TMX3: variants seen among roughly 807,000 people sequenced by gnomAD.
The protein encoded by TMX3 is protein disulfide-isomerase TMX3.
TMX3 carries 40 observed loss-of-function variants against 64.4 expected under a neutral mutation model. The observed-to-expected ratio is 0.62, with a 90% confidence interval of 0.48 to 0.81. The LOEUF is 0.81. Ranked by LOEUF, TMX3 falls within the 30% of genes least tolerant of loss-of-function variation. The pLI, the probability that TMX3 is intolerant of heterozygous loss-of-function variation, is 0.00. For missense variants in TMX3, 497 were observed against 534.5 expected (o/e 0.93, Z 0.69); for synonymous variants, 189 against 175.7 (o/e 1.08, Z -0.60).
intron 4 of TMX3, among the ~76,000 whole-genome samples, chr18:68,704,618 T>C (rs1415220878): frequency 6.6e-6 from 1 of 152,226 alleles, no homozygotes; most frequent in East Asian, 1.9e-4. Context: ...AATTTTTTTA[T>C]TCTTTACTTT....
At position 68,713,830 on chromosome 18, in the gene TMX3, A is replaced by G. The variant is rs1238963483; in HGVS notation, c.101+16T>C. The G allele has an allele frequency of 3.9e-6, 5 of 1,281,796 alleles. No homozygotes were observed. Among genetic ancestry groups the G allele is most frequent in the Non-Finnish European group, 5.4e-6 (5 of 930,620 alleles). 79.4% of individuals were successfully genotyped at this position (1,281,796 alleles called of 1,614,324 possible). The stretch of plus-strand genomic sequence containing the variant: ...ACAGTTAAAATAATATTTTAAATAT[A>G]TATATGTATACTCACGATTCATCTA... On this transcript the variant is annotated intron_variant, in intron 2 of 15. Transcript: ENST00000299608.
chr18:68,707,165 G>GCTAAA (rs892394924), intron 4 of TMX3, among the ~76,000 whole-genome samples: 4 of 150,620 alleles, frequency 2.7e-5, no homozygotes, highest in African/African-American at 9.8e-5. Context: ...ATGAATGAAT[G>GCTAAA]CTAACTCCAC....
Position 68,674,069 on chromosome 18 carries a change from A to G in TMX3, c.*2864T>C, listed in dbSNP as rs8098944. 1 of 152,062 alleles carries G rather than the reference A, an allele frequency of 6.6e-6. No homozygotes were observed. The highest frequency in any genetic ancestry group is 2.1e-4 in the South Asian group (1 of 4,828). 9.4% of individuals were successfully genotyped at this position (152,062 alleles called of 1,614,324 possible). A position where few individuals can be genotyped will look rare whatever the true frequency, so the allele number is the denominator to read the frequency against. Reference sequence around the variant, plus strand: ...AAGGTCCCAAAGCAAAACACACACAAAAAGTCACTAACAATATCCACTAAA... The same window carrying G: ...AAGGTCCCAAAGCAAAACACACACAGAAAGTCACTAACAATATCCACTAAA... On this transcript the variant is annotated 3_prime_UTR_variant, in exon 16 of 16. Transcript: ENST00000299608.
intron 2 of TMX3, among the ~76,000 whole-genome samples, chr18:68,712,865 C>T (rs943329934): frequency 4.6e-5 from 7 of 152,244 alleles, no homozygotes; most frequent in African/African-American, 1.7e-4. Flanking sequence ...TACAGAACAG[C>T]ACTGTATGAT....
rs8083815 is a variant in TMX3 at position 68,707,947 on chromosome 18, A to G, written c.265+2074T>C. The stretch of plus-strand genomic sequence containing the variant: ...TATATGTGTATATATGTGTATATAT[A>G]TGTGTATATATGTGTATATGTGTAC... On this transcript the variant is annotated intron_variant, in intron 4 of 15. Coordinates refer to ENST00000299608, the MANE Select transcript of TMX3 (RefSeq NM_019022.5). Among the ~76,000 whole-genome samples, 1,124 of 148,506 alleles carry G rather than the reference A, an allele frequency of 7.6e-3. 16 individuals carry two copies. The highest frequency in any genetic ancestry group is 0.026 in the African/African-American group (1,066 of 40,308).
chr18:68,704,602 A>G (rs2030479523), intron 4 of TMX3, among the ~76,000 whole-genome samples: 1 of 152,196 alleles, frequency 6.6e-6, no homozygotes, highest in Admixed American at 6.5e-5. Flanking sequence ...AGTCTAATTG[A>G]CTTTAAATTT....
chr18:68,703,809 A>T (rs992770423), intron 4 of TMX3, among the ~76,000 whole-genome samples: 1 of 152,090 alleles, frequency 6.6e-6, no homozygotes, highest in African/African-American at 2.4e-5. Flanking sequence ...GGGTGCCTGT[A>T]GTCCCAGCTA....
chr18:68,682,203 T>G (rs1913503612), intron 13 of TMX3, among the ~76,000 whole-genome samples: 1 of 152,190 alleles, frequency 6.6e-6, no homozygotes. Flanking sequence ...CATTTTTCCA[T>G]CAACGGTGTC....
chr18:68,678,515 G>A (rs748833457), intron 15 of TMX3, among the ~76,000 whole-genome samples: 4 of 152,198 alleles, frequency 2.6e-5, no homozygotes, highest in Non-Finnish European at 1.5e-5. Flanking sequence ...AGGAGCAGGG[G>A]AGTAGTGATA....
Position 68,673,960 on chromosome 18 carries a change from T to A in TMX3, c.*2973A>T, listed in dbSNP as rs1351559958. 1 of 152,000 alleles carries A rather than the reference T, an allele frequency of 6.6e-6. No homozygotes were observed. The highest frequency in any genetic ancestry group is 2.4e-5 in the African/African-American group (1 of 41,372). 9.4% of individuals were successfully genotyped at this position (152,000 alleles called of 1,614,324 possible). A position where few individuals can be genotyped will look rare whatever the true frequency, so the allele number is the denominator to read the frequency against. ...ATTTGATCATTTAATGCATAAGGAG[T>A]GTTGAATGATTTTTCCCTGTCCTAA... is the stretch of plus-strand genomic sequence containing the variant. On this transcript the variant is annotated 3_prime_UTR_variant, in exon 16 of 16. Transcript: ENST00000299608.
intron 9 of TMX3, 52 bp from the exon 10 acceptor site, chr18:68,687,817 G>A: frequency 7.2e-7 from 1 of 1,388,944 alleles, no homozygotes; most frequent in Non-Finnish European, 1.0e-6. Context: ...GAATTTAAGA[G>A]TTATAATAGC....
At chr18:68,687,524 CT>C in intron 10 of TMX3, 142 bp downstream of exon 10, 1 of 1,420,150 alleles carries the variant, frequency 7.0e-7, no homozygotes, top group Non-Finnish European at 9.2e-7. Context: ...AGTTTACATT[CT>C]CGTAAAGAAC....
intron 7 of TMX3, chr18:68,697,585 T>C (rs1915217292): frequency 3.0e-6 from 1 of 333,706 alleles, no homozygotes; most frequent in Non-Finnish European, 5.4e-6. Flanking sequence ...GACAAAATGA[T>C]GGTGATGATT....
rs111306573 is a variant in TMX3, at chr18:68,709,929, CA to C, written c.265+91del. ...TTAAGTTAATTGAATTTTACATGAGCAAAAAAAAGTCTTCCTCCCACCCTGA... is the reference window on the plus strand; with the variant it reads ...TTAAGTTAATTGAATTTTACATGAGCAAAAAAAGTCTTCCTCCCACCCTGA... On this transcript the variant is annotated intron_variant, in intron 4 of 15. Coordinates refer to ENST00000299608, the MANE Select transcript of TMX3 (RefSeq NM_019022.5). The C allele has an allele frequency of 0.028, 34,608 of 1,258,456 alleles. 3,231 individuals are homozygous for C. The African/African-American group carries it at 0.3, about 11-fold the overall frequency. The allele number at this position is 1,258,456 out of a possible 1,614,324, so 78.0% of individuals were successfully genotyped here.
chr18:68,681,789 C>T (rs560218360), intron 13 of TMX3, among the ~76,000 whole-genome samples: 1 of 152,316 alleles, frequency 6.6e-6, no homozygotes, highest in Admixed American at 6.5e-5. Flanking sequence ...TGTTGAGCTT[C>T]CACTGGGCCC....
intron 4 of TMX3, among the ~76,000 whole-genome samples, chr18:68,703,635 A>T (rs2030350054): frequency 6.6e-6 from 1 of 152,166 alleles, no homozygotes; most frequent in Non-Finnish European, 1.5e-5. Context: ...ATAAAACTTC[A>T]GTCTTAGATT....
At chr18:68,682,865 T>A in intron 13 of TMX3, 60 bp downstream of exon 13, 1 of 1,504,370 alleles carries the variant, frequency 6.6e-7, no homozygotes, top group Non-Finnish European at 9.1e-7. Context: ...TACCTGTATC[T>A]CAGAAACAAA....
rs1420045218 is a variant in TMX3 at position 68,715,070 on chromosome 18, G to A, written c.-89C>T. ...CGCCTGCCCGCCCGGAAAGGGAAAC[G>A]GAGCCGACCCGGAGCGGAAGAGAAG... On this transcript the variant is annotated 5_prime_UTR_variant, in exon 1 of 16. Coordinates refer to ENST00000299608, the MANE Select transcript of TMX3 (RefSeq NM_019022.5). 5.8e-6 allele frequency: 9 copies of A among 1,543,794 alleles called. 1 individual carries two copies. Among genetic ancestry groups the A allele is most frequent in the South Asian group, 4.8e-5 (4 of 83,628 alleles).
chr18:68,695,413 A>C (rs922703074), intron 8 of TMX3, among the ~76,000 whole-genome samples: 20 of 152,030 alleles, frequency 1.3e-4, no homozygotes, highest in Non-Finnish European at 2.8e-4. Context: ...CCTTGACTTA[A>C]CTCTAGACCC....
Sources: gnomAD v4.1 joint callset for allele counts (sites outside exome capture counted in the v4.1 genomes callset) on GRCh38, gnomAD v4.1.1 for gene constraint, MANE v1.5 for transcripts, NCBI Gene and HGNC (gene_info 2026-07-23, HGNC 2026-07-21) for gene names.